The following MYO3A variants were observed in gnomAD, a reference collection of about 807,000 sequenced individuals.
MYO3A encodes the protein myosin-IIIa.
A neutral mutation model predicts 192.7 loss-of-function variants in MYO3A; 180 were observed. The ratio of observed to expected loss-of-function variants is 0.93; its 90% CI spans 0.83 to 1.06. The LOEUF (loss-of-function observed/expected upper bound fraction) is 1.06. MYO3A is among the 50% of genes least tolerant of loss of function. The pLI is 0.00. For missense variants in MYO3A, 1,896 were observed against 1,905.0 expected, an observed-to-expected ratio of 1.00 and a Z score of 0.09; for synonymous variants, 628 against 645.3, an observed-to-expected ratio of 0.97 and a Z score of 0.41.
chr10:26,139,590 G>A (rs962085535), intron 20 of MYO3A, among the ~76,000 whole-genome samples: 2 of 152,150 alleles, frequency 1.3e-5, no homozygotes, highest in African/African-American at 4.8e-5. Flanking sequence ...GTTTCTTCAA[G>A]CTTTCAAAAA....
rs1443357852 is a variant in MYO3A at position 26,120,683 on chromosome 10, G to A, written c.1784G>A (p.Gly595Asp). Residue 595 changes from glycine (G) to aspartate (D), a missense_variant, in exon 18 of 35, where the codon GGT (glycine) becomes GAT (aspartate). Transcript: ENST00000642920. ...KVIGFTMEQL[G>D]SIYSILAAIL... ...TTCTGTGGTGTGTTTCAGCAACTTG[G>A]TAGTATATACAGCATACTCGCTGCA... 6.2e-7 allele frequency: 1 copy of A among 1,613,906 alleles called. No individual in the cohort carries two copies. Among genetic ancestry groups the A allele is most frequent in the Non-Finnish European group, 8.5e-7 (1 of 1,179,940 alleles).
At chr10:25,955,510 C>T (rs954725984) in intron 4 of MYO3A, among the ~76,000 whole-genome samples, 3 of 151,992 alleles carry the variant, frequency 2.0e-5, no homozygotes, top group African/African-American at 7.3e-5. Flanking sequence ...AAAATGGTGT[C>T]GATACTGAGT....
chr10:26,158,884 T>A (rs564576772), intron 26 of MYO3A, among the ~76,000 whole-genome samples: 4 of 152,326 alleles, frequency 2.6e-5, no homozygotes, highest in Admixed American at 2.6e-4. Flanking sequence ...TGATTGCACA[T>A]CAAACTTGAT....
At chr10:25,966,072 A>G (rs1173882671) in intron 4 of MYO3A, among the ~76,000 whole-genome samples, 1 of 151,716 alleles carries the variant, frequency 6.6e-6, no homozygotes, top group East Asian at 1.9e-4. Flanking sequence ...TTTTCTGTGT[A>G]CATAGTTATT....
intron 14 of MYO3A, among the ~76,000 whole-genome samples, chr10:26,083,283 G>A (rs970357442): frequency 1.1e-4 from 17 of 152,188 alleles, no homozygotes; most frequent in Non-Finnish European, 1.8e-4. Context: ...GGCAAAGGAA[G>A]GATTCACTTT....
intron 26 of MYO3A, among the ~76,000 whole-genome samples, chr10:26,159,834 C>G (rs556751591): frequency 2.6e-5 from 4 of 152,074 alleles, no homozygotes; most frequent in African/African-American, 7.2e-5. Flanking sequence ...AAACCAAAAC[C>G]TCAAGTTTAG....
intron 32 of MYO3A, among the ~76,000 whole-genome samples, chr10:26,195,070 T>C (rs1167430770): frequency 6.6e-6 from 1 of 152,098 alleles, no homozygotes; most frequent in Non-Finnish European, 1.5e-5. Flanking sequence ...AAGAAACTCA[T>C]TAGAAGTCAT....
chr10:26,095,811 T>C (rs997629437), intron 15 of MYO3A, among the ~76,000 whole-genome samples: 1 of 152,088 alleles, frequency 6.6e-6, no homozygotes, highest in African/African-American at 2.4e-5. Context: ...GAAAACTGAG[T>C]CTCAGAAAGA....
chr10:26,163,924 G>A (rs927823103), intron 26 of MYO3A, among the ~76,000 whole-genome samples: 1 of 152,214 alleles, frequency 6.6e-6, no homozygotes, highest in African/African-American at 2.4e-5. Context: ...GGGAGACTAA[G>A]AGGGAGGAGG....
intron 20 of MYO3A, among the ~76,000 whole-genome samples, chr10:26,142,063 A>G (rs139525861): frequency 1.3e-5 from 2 of 152,290 alleles, no homozygotes; most frequent in African/African-American, 2.4e-5. Context: ...CATTATTTCA[A>G]ATTATATTTG....
chr10:25,969,109 T>G (rs2033618759), intron 4 of MYO3A, among the ~76,000 whole-genome samples: 2 of 151,998 alleles, frequency 1.3e-5, no homozygotes, highest in South Asian at 2.1e-4. Context: ...TGAGGTGGCG[T>G]GCACCTGTAG....
chr10:25,944,224 A>C (rs921083255), intron 2 of MYO3A, among the ~76,000 whole-genome samples: 11 of 151,964 alleles, frequency 7.2e-5, no homozygotes, highest in Admixed American at 3.9e-4. Flanking sequence ...ATGTTGAATC[A>C]TTTTTGTATT....
rs191330983 is a variant in MYO3A at position 26,003,220 on chromosome 10, C to T, written c.508+5962C>T. 1.1e-4 allele frequency among the ~76,000 whole-genome samples: 16 copies of T among 152,314 alleles called. No homozygotes were observed. The East Asian group carries it at 2.9e-3, about 28-fold the overall frequency. ...GCTGATACTTCATAATTCAGAAAAT[C>T]TAAACTGTTACCATTATTATGAGAT... On this transcript the variant is annotated intron_variant, in intron 6 of 34. Transcript: ENST00000642920.
At chr10:26,074,704 G>C (rs72793214) in intron 14 of MYO3A, among the ~76,000 whole-genome samples, 14,646 of 150,356 alleles carry the variant, frequency 0.097, 795 homozygotes, top group Non-Finnish European at 0.12. Flanking sequence ...ATTTCATTTT[G>C]GTGATTGTTT....
chr10:26,017,640 G>C (rs12247532), intron 7 of MYO3A, among the ~76,000 whole-genome samples: 3,857 of 151,946 alleles, frequency 0.025, 188 homozygotes, highest in African/African-American at 0.087. Context: ...CTGGTATGCT[G>C]TTTTTATTTG....
intron 4 of MYO3A, among the ~76,000 whole-genome samples, chr10:25,977,208 A>G (rs1280396341): frequency 6.6e-6 from 1 of 152,222 alleles, no homozygotes; most frequent in African/African-American, 2.4e-5. Context: ...TTAGTTATCA[A>G]CAGTCTGCTT....
intron 27 of MYO3A, among the ~76,000 whole-genome samples, 177 bp from the exon 28 acceptor site, chr10:26,168,535 G>A (rs545082511): frequency 1.3e-5 from 2 of 152,222 alleles, no homozygotes; most frequent in African/African-American, 4.8e-5. Context: ...TCAAAGAAAT[G>A]TTTTCTTCAA....
intron 31 of MYO3A, among the ~76,000 whole-genome samples, chr10:26,182,396 A>G (rs1483323723): frequency 2.0e-5 from 3 of 152,218 alleles, no homozygotes; most frequent in Admixed American, 1.3e-4. Context: ...ATAAAGAATA[A>G]TCACTTTTTA....
At chr10:26,077,891 C>CA (rs1487901741) in intron 14 of MYO3A, among the ~76,000 whole-genome samples, 1 of 151,970 alleles carries the variant, frequency 6.6e-6, no homozygotes, top group Non-Finnish European at 1.5e-5. Flanking sequence ...TTGTTGGACT[C>CA]AGTTAGCTAG....
Sources: allele counts gnomAD v4.1 joint callset (sites outside exome capture counted in the v4.1 genomes callset), GRCh38; gene constraint gnomAD v4.1.1; transcripts MANE v1.5; gene names NCBI Gene and HGNC (gene_info 2026-07-23, HGNC 2026-07-21).